The following UQCC1 variants were observed in gnomAD, a reference collection of about 807,000 sequenced individuals.
UQCC1 encodes ubiquinol-cytochrome c reductase complex assembly factor 1, also known as bFGF-repressed Zic-binding protein.
In UQCC1, 38 loss-of-function variants were observed where a neutral mutation model predicts 48.0. The ratio of observed to expected loss-of-function variants is 0.79; its 90% confidence interval spans 0.61 to 1.04. UQCC1 has a LOEUF of 1.04. Ranked by LOEUF, UQCC1 falls within the 50% of genes least tolerant of loss-of-function variation. UQCC1 has a pLI of 0.00. For synonymous variants in UQCC1, 111 were observed against 129.2 expected, an observed-to-expected ratio of 0.86 and a Z score of 0.95; for missense variants, 368 against 381.8, an observed-to-expected ratio of 0.96 and a Z score of 0.30.
At chr20:35,317,911 C>T (rs1197621576) in intron 7 of UQCC1, among the ~76,000 whole-genome samples, 1 of 133,382 alleles carries the variant, frequency 7.5e-6, no homozygotes, top group Non-Finnish European at 1.6e-5. Flanking sequence ...TTCTACTGTC[C>T]CATCTTCCAG....
At chr20:35,328,375 G>T (rs1166854113) in intron 7 of UQCC1, among the ~76,000 whole-genome samples, 1 of 152,082 alleles carries the variant, frequency 6.6e-6, no homozygotes, top group Non-Finnish European at 1.5e-5. Context: ...ATTAACAGAT[G>T]AAAATGCCTA....
At chr20:35,329,913 T>C (rs913013843) in intron 7 of UQCC1, among the ~76,000 whole-genome samples, 7 of 152,250 alleles carry the variant, frequency 4.6e-5, no homozygotes, top group Non-Finnish European at 8.8e-5. Context: ...GCAAGAGTTA[T>C]CTGGGACCAT....
rs1021583876 is a variant in UQCC1 at position 35,336,903 on chromosome 20, C to T, written c.573+10261G>A. Reference sequence around the variant, plus strand: ...TAGCTATTACTATTGGGGAACTCTGCTTCTGAATTATGCTGAAATCCTCAA... The same window carrying T: ...TAGCTATTACTATTGGGGAACTCTGTTTCTGAATTATGCTGAAATCCTCAA... On this transcript the variant is annotated intron_variant, in intron 7 of 9. Transcript: ENST00000374385. Among the ~76,000 whole-genome samples the T allele has an allele frequency of 1.8e-4, 28 of 152,356 alleles. 1 individual carries two copies. Among genetic ancestry groups the T allele is most frequent in the African/African-American group, 6.5e-4 (27 of 41,592 alleles).
chr20:35,366,809 AAAG>A (rs1847150764), intron 5 of UQCC1, among the ~76,000 whole-genome samples, 195 bp from the exon 6 acceptor site: 1 of 152,120 alleles, frequency 6.6e-6, no homozygotes, highest in Admixed American at 6.5e-5. Flanking sequence ...AAAGAAAAAA[AAAG>A]GATGGATGCG....
chr20:35,332,683 AT>A (rs2146350346), intron 7 of UQCC1, among the ~76,000 whole-genome samples: 1 of 152,340 alleles, frequency 6.6e-6, no homozygotes, highest in African/African-American at 2.4e-5. Flanking sequence ...TACAAAGAAA[AT>A]GGTCAGTCCT....
intron 2 of UQCC1, among the ~76,000 whole-genome samples, chr20:35,387,626 G>C (rs2061961278): frequency 6.6e-6 from 1 of 152,006 alleles, no homozygotes. Flanking sequence ...AAGGAATTTA[G>C]GCTGTTTAGC....
At chr20:35,340,736 C>A (rs1187935813) in intron 7 of UQCC1, among the ~76,000 whole-genome samples, 4 of 152,152 alleles carry the variant, frequency 2.6e-5, no homozygotes, top group African/African-American at 9.7e-5. Flanking sequence ...AAAAACAATA[C>A]CTTTGGCAGT....
chr20:35,359,876 TG>T (rs1568681115), intron 6 of UQCC1, among the ~76,000 whole-genome samples: 1 of 152,148 alleles, frequency 6.6e-6, no homozygotes, highest in Non-Finnish European at 1.5e-5. Flanking sequence ...GCTGTGTACA[TG>T]GCTATCTCCA....
At chr20:35,405,745 G>A (rs547573800) in intron 1 of UQCC1, among the ~76,000 whole-genome samples, 274 of 152,210 alleles carry the variant, frequency 1.8e-3, no homozygotes, top group African/African-American at 5.9e-3. Context: ...AAAATTAGCC[G>A]GGCGTGGTGG....
intron 6 of UQCC1, among the ~76,000 whole-genome samples, chr20:35,352,576 G>C (rs1312603186): frequency 1.3e-5 from 2 of 152,200 alleles, no homozygotes; most frequent in South Asian, 2.1e-4. Flanking sequence ...ACACATATGA[G>C]AGTGGTCCCA....
chr20:35,372,668 C>G (rs2061747824), intron 5 of UQCC1, among the ~76,000 whole-genome samples: 1 of 152,172 alleles, frequency 6.6e-6, no homozygotes, highest in Non-Finnish European at 1.5e-5. Flanking sequence ...GAGTTTGAGA[C>G]CAGCCTGGCC....
chr20:35,325,701 A>C (rs2061185271), intron 7 of UQCC1, among the ~76,000 whole-genome samples: 1 of 152,206 alleles, frequency 6.6e-6, no homozygotes, highest in South Asian at 2.1e-4. Flanking sequence ...ACAAAACGGT[A>C]ATGGTATAGG....
intron 7 of UQCC1, among the ~76,000 whole-genome samples, chr20:35,319,246 G>A (rs1172541947): frequency 6.6e-6 from 1 of 152,176 alleles, no homozygotes; most frequent in Non-Finnish European, 1.5e-5. Context: ...TGCAATTCCT[G>A]TAATGACTTA....
At chr20:35,326,495 GTATT>G (rs201338261) in intron 7 of UQCC1, among the ~76,000 whole-genome samples, 2,525 of 152,324 alleles carry the variant, frequency 0.017, 28 homozygotes, top group Middle Eastern at 0.065. Context: ...AGCAAGATGT[GTATT>G]TAGTTTGAGC....
intron 8 of UQCC1, among the ~76,000 whole-genome samples, chr20:35,309,614 T>A (rs2060968393): frequency 6.6e-6 from 1 of 152,150 alleles, no homozygotes; most frequent in Non-Finnish European, 1.5e-5. Flanking sequence ...CACAGCATAA[T>A]TTCCCCCCAA....
intron 2 of UQCC1, 77 bp downstream of exon 2, chr20:35,394,015 G>A (rs2062044014): frequency 7.1e-7 from 1 of 1,410,136 alleles, no homozygotes; most frequent in African/African-American, 1.4e-5. Flanking sequence ...CAATTTGGTT[G>A]GCTAATCTAT....
At chr20:35,354,038 A>C (rs2061519081) in intron 6 of UQCC1, among the ~76,000 whole-genome samples, 1 of 152,188 alleles carries the variant, frequency 6.6e-6, no homozygotes, top group Non-Finnish European at 1.5e-5. Flanking sequence ...GAACAGTAAT[A>C]AGTTGTATAG....
intron 1 of UQCC1, among the ~76,000 whole-genome samples, chr20:35,394,994 A>G (rs2062056714): frequency 6.6e-6 from 1 of 152,158 alleles, no homozygotes; most frequent in Non-Finnish European, 1.5e-5. Flanking sequence ...TCAGTTTATT[A>G]TAAGGGATAC....
intron 1 of UQCC1, among the ~76,000 whole-genome samples, chr20:35,395,201 C>T (rs1466786517): frequency 6.6e-6 from 1 of 151,994 alleles, no homozygotes; most frequent in Non-Finnish European, 1.5e-5. Flanking sequence ...GCTCAATCTC[C>T]AGCCCCTCTC....
Sources: gnomAD v4.1 joint callset for allele counts (sites outside exome capture counted in the v4.1 genomes callset) on GRCh38, gnomAD v4.1.1 for gene constraint, MANE v1.5 for transcripts, NCBI Gene and HGNC (gene_info 2026-07-23, HGNC 2026-07-21) for gene names.